Variants in STON2 observed in about 807,000 individuals in gnomAD.
STON2 encodes stonin 2, also known as stonin-2.
Under a neutral mutation model 65.7 loss-of-function variants are expected in STON2, and 29 were observed. The ratio of observed to expected loss-of-function variants is 0.44; its 90% CI spans 0.33 to 0.60. The LOEUF is 0.60. STON2 is among the 20% of genes least tolerant of loss of function. STON2 has a pLI of 0.03. For synonymous variants in STON2, 404 were observed against 414.2 expected (o/e 0.98, Z 0.30); for missense variants, 1,054 against 1,118.1 (o/e 0.94, Z 0.82).
Position 81,398,589 on chromosome 14 carries a change from C to T in STON2, c.-198-9G>A. 2.1e-6 allele frequency: 1 copy of T among 469,996 alleles called. No individual in the cohort carries two copies. The highest frequency in any genetic ancestry group is 3.7e-6 in the Non-Finnish European group (1 of 266,958). The allele number at this position is 469,996 out of a possible 1,614,324, so 29.1% of individuals were successfully genotyped here. ...ATCTGCCAGGCAGAAATCTGTTTAA[C>T]AAACAAACAAACAAAAAATTAAAAA... On this transcript the variant is annotated splice_polypyrimidine_tract_variant and intron_variant, in intron 1 of 7. Coordinates refer to ENST00000614646, the MANE Select transcript of STON2 (RefSeq NM_001394390.1).
intron 4 of STON2, among the ~76,000 whole-genome samples, chr14:81,360,942 C>CCAAAAGA (rs1898466442): frequency 6.6e-6 from 1 of 151,920 alleles, no homozygotes; most frequent in South Asian, 2.1e-4. Context: ...CAAAAGAATA[C>CCAAAAGA]ATTTAACCAA....
chr14:81,365,313 C>T (rs1898671607), intron 4 of STON2, among the ~76,000 whole-genome samples: 1 of 152,122 alleles, frequency 6.6e-6, no homozygotes, highest in Non-Finnish European at 1.5e-5. Context: ...TTTGGCAGAC[C>T]ACCACCTGCA....
intron 4 of STON2, among the ~76,000 whole-genome samples, chr14:81,331,668 T>C (rs1897220890): frequency 6.6e-6 from 1 of 152,174 alleles, no homozygotes; most frequent in African/African-American, 2.4e-5. Context: ...CAGCCATGGA[T>C]AGAGGGAGAG....
At position 81,263,106 on chromosome 14, in the gene STON2, G is replaced by T. The variant is rs1409801932; in HGVS notation, c.*5308C>A. 3.0e-6 allele frequency: 3 copies of T among 985,126 alleles called. No homozygotes were observed. Among genetic ancestry groups the T allele is most frequent in the Admixed American group, 1.2e-4 (2 of 16,248 alleles). 61.0% of individuals were successfully genotyped at this position (985,126 alleles called of 1,614,324 possible). On this transcript the variant is annotated 3_prime_UTR_variant, in exon 8 of 8. Coordinates refer to ENST00000614646, the MANE Select transcript of STON2 (RefSeq NM_001394390.1). ...ATTTACCAAATGATATTTTTTTGTG[G>T]ATTTAATTTTTTGTTAGTTTTGCTT...
intron 7 of STON2, chr14:81,268,785 G>A: frequency 6.2e-6 from 2 of 321,220 alleles, no homozygotes; most frequent in Non-Finnish European, 9.0e-6. Context: ...AGCTATTTTT[G>A]ACTTATTAAG....
chr14:81,306,985 A>C (rs1022045270), intron 5 of STON2, among the ~76,000 whole-genome samples: 2 of 152,244 alleles, frequency 1.3e-5, no homozygotes, highest in African/African-American at 4.8e-5. Context: ...CATTTAAATA[A>C]TGAGCACTTC....
intron 4 of STON2, among the ~76,000 whole-genome samples, chr14:81,352,400 A>T (rs1170778689): frequency 6.6e-6 from 1 of 152,146 alleles, no homozygotes; most frequent in Non-Finnish European, 1.5e-5. Flanking sequence ...CATCTCATTA[A>T]CCTCCTTAGG....
chr14:81,283,811 G>T (rs1041010810), intron 5 of STON2, among the ~76,000 whole-genome samples: 4 of 152,184 alleles, frequency 2.6e-5, no homozygotes, highest in Non-Finnish European at 5.9e-5. Flanking sequence ...TTACAGGCGT[G>T]AGCCACTGTA....
chr14:81,302,648 G>GACCCTCT (rs1896011245), intron 5 of STON2, among the ~76,000 whole-genome samples: 1 of 152,154 alleles, frequency 6.6e-6, no homozygotes, highest in Non-Finnish European at 1.5e-5. Flanking sequence ...TGATACAGAG[G>GACCCTCT]GTGTTTACAT....
chr14:81,374,216 T>A (rs948034972), intron 3 of STON2, among the ~76,000 whole-genome samples: 3 of 149,746 alleles, frequency 2.0e-5, no homozygotes, highest in Non-Finnish European at 4.4e-5. Flanking sequence ...GGTTTCACCA[T>A]GTTGGCCAGG....
At chr14:81,395,813 T>A in intron 3 of STON2, 81 bp downstream of exon 3, 1 of 1,432,574 alleles carries the variant, frequency 7.0e-7, no homozygotes, top group Non-Finnish European at 9.6e-7. Context: ...TGAAATGGAA[T>A]CCTGGCAGCC....
chr14:81,431,643 T>G (rs1368066485), intron 1 of STON2, among the ~76,000 whole-genome samples: 1 of 151,986 alleles, frequency 6.6e-6, no homozygotes, highest in Admixed American at 6.6e-5. Context: ...CCAGGCATAG[T>G]GGCGCATTCC....
rs201992039 is a variant in STON2 at position 81,276,921 on chromosome 14, C to T, written c.2561G>A (p.Arg854Gln). 325 of 1,608,694 alleles carry T rather than the reference C, an allele frequency of 2.0e-4. 3 individuals are homozygous for T. Among genetic ancestry groups the T allele is most frequent in the South Asian group, 6.0e-4 (54 of 90,700 alleles). ...CCCACCTGAGTTTTTGTCCGGCAGTCGGTTTATCCTCCACACAATGGAGTT... is the reference window on the plus strand; with the variant it reads ...CCCACCTGAGTTTTTGTCCGGCAGTTGGTTTATCCTCCACACAATGGAGTT... ...AFNSIVWRIN[R>Q]LPDKNSASGH... The change falls in exon 6 of 8, where the codon CGA (arginine) becomes CAA (glutamine). Residue 854 changes from arginine to glutamine, a missense_variant. Physicochemically the swap from Arg to Gln is conservative, Grantham distance 43 (BLOSUM62 1). Transcript: ENST00000614646.
At chr14:81,424,412 C>T (rs960519218) in intron 2 of STON2, among the ~76,000 whole-genome samples, 2 of 151,902 alleles carry the variant, frequency 1.3e-5, no homozygotes, top group African/African-American at 4.8e-5. Context: ...CCACTGTACT[C>T]CAGCCTGGAT....
intron 2 of STON2, 21 bp downstream of exon 2, chr14:81,398,274 G>A: frequency 1.3e-6 from 2 of 1,571,458 alleles, no homozygotes; most frequent in Non-Finnish European, 1.7e-6. Flanking sequence ...CTTCACTTTA[G>A]GAAACGAAGG....
intron 2 of STON2, among the ~76,000 whole-genome samples, chr14:81,397,231 T>C (rs1037478804): frequency 1.3e-5 from 2 of 152,100 alleles, no homozygotes; most frequent in African/African-American, 2.4e-5. Flanking sequence ...AGCCAACCGG[T>C]CCATCTGCAA....
chr14:81,386,119 G>C (rs1223170044), intron 3 of STON2, among the ~76,000 whole-genome samples: 1 of 152,168 alleles, frequency 6.6e-6, no homozygotes, highest in African/African-American at 2.4e-5. Context: ...CCCTGAGAAG[G>C]AAAGGCTCTG....
At chr14:81,372,194 G>A (rs1296090375) in intron 3 of STON2, among the ~76,000 whole-genome samples, 1 of 152,050 alleles carries the variant, frequency 6.6e-6, no homozygotes, top group Non-Finnish European at 1.5e-5. Flanking sequence ...TGAAACTTTC[G>A]AATTCTCCTA....
At chr14:81,325,366 T>C (rs927079126) in intron 4 of STON2, among the ~76,000 whole-genome samples, 3 of 152,172 alleles carry the variant, frequency 2.0e-5, no homozygotes, top group African/African-American at 7.2e-5. Flanking sequence ...GTGTGCCACG[T>C]TTCCCTTCCC....
Sources: allele counts gnomAD v4.1 joint callset (sites outside exome capture counted in the v4.1 genomes callset), GRCh38; gene constraint gnomAD v4.1.1; transcripts MANE v1.5; gene names NCBI Gene and HGNC (gene_info 2026-07-23, HGNC 2026-07-21).